The following NUDT3 variants were observed in gnomAD, a reference collection of about 807,000 sequenced individuals.
NUDT3 encodes the protein nudix hydrolase 3, also known as diphosphoinositol polyphosphate phosphohydrolase 1.
NUDT3 carries 9 observed loss-of-function variants against 23.6 expected under a neutral mutation model. The observed-to-expected ratio is 0.38, with a 90% CI of 0.23 to 0.66. NUDT3 has a LOEUF of 0.66. Ranked by LOEUF, NUDT3 falls within the 30% of genes least tolerant of loss-of-function variation. NUDT3 has a pLI of 0.52. For synonymous variants in NUDT3, 86 were observed against 82.6 expected (o/e 1.04, Z -0.22); for missense variants, 172 against 218.5 (o/e 0.79, Z 1.34).
intron 3 of NUDT3, among the ~76,000 whole-genome samples, chr6:34,293,910 G>A (rs1763461033): frequency 6.6e-6 from 1 of 152,084 alleles, no homozygotes; most frequent in African/African-American, 2.4e-5. Flanking sequence ...ACCCCAGCAA[G>A]GCAAACAAGC....
At chr6:34,306,568 C>A (rs1449163766) in intron 2 of NUDT3, among the ~76,000 whole-genome samples, 3 of 152,234 alleles carry the variant, frequency 2.0e-5, no homozygotes, top group Non-Finnish European at 4.4e-5. Context: ...GCAAACACAA[C>A]TGTTTTGGAA....
intron 2 of NUDT3, among the ~76,000 whole-genome samples, chr6:34,314,390 TAA>T (rs5875502): frequency 1.0e-3 from 126 of 123,902 alleles, no homozygotes; most frequent in Admixed American, 1.7e-3. Context: ...CTGTCTCTAC[TAA>T]AAAAAAAAAA....
chr6:34,356,516 T>C (rs1764563708), intron 1 of NUDT3, among the ~76,000 whole-genome samples: 1 of 151,980 alleles, frequency 6.6e-6, no homozygotes, highest in Admixed American at 6.6e-5. Flanking sequence ...GATTCAGGAG[T>C]TAACTTGAAA....
intron 1 of NUDT3, among the ~76,000 whole-genome samples, chr6:34,346,321 CTTG>C (rs570190618): frequency 3.9e-5 from 6 of 152,190 alleles, no homozygotes; most frequent in Admixed American, 1.3e-4. Context: ...CCTCCAGTGA[CTTG>C]TTGTATAAAT....
rs745667796 is a variant in NUDT3, at chr6:34,288,901, T to C, written c.371A>G (p.Asp124Gly). ...GRKREWFKIEDAIKVLQYHKP... is the reference protein window; with the variant it reads ...GRKREWFKIEGAIKVLQYHKP... ...GTGATACTGCAGCACTTTTATGGCGTCTTCTATTTTAAACCATTCCCTCTT... is the reference window on the plus strand; with the variant it reads ...GTGATACTGCAGCACTTTTATGGCGCCTTCTATTTTAAACCATTCCCTCTT... Residue 124 changes from aspartate (D) to glycine (G), a missense_variant, in exon 5 of 5, where the codon GAC becomes GGC. Coordinates refer to ENST00000607016, the MANE Select transcript of NUDT3 (RefSeq NM_006703.4). 6.2e-7 allele frequency: 1 copy of C among 1,613,122 alleles called. No homozygotes were observed.
At chr6:34,366,664 C>A (rs1048786417) in intron 1 of NUDT3, among the ~76,000 whole-genome samples, 28 of 151,526 alleles carry the variant, frequency 1.8e-4, no homozygotes, top group African/African-American at 6.8e-4. Flanking sequence ...CTAAAGCAAT[C>A]CTTGCCCTTC....
At chr6:34,304,119 G>C (rs1208256566) in intron 2 of NUDT3, among the ~76,000 whole-genome samples, 7 of 151,978 alleles carry the variant, frequency 4.6e-5, no homozygotes. Context: ...TGGGTGTCGT[G>C]GCGCATGCCT....
At chr6:34,348,543 C>A (rs1450339988) in intron 1 of NUDT3, among the ~76,000 whole-genome samples, 1 of 151,772 alleles carries the variant, frequency 6.6e-6, no homozygotes, top group Non-Finnish European at 1.5e-5. Flanking sequence ...TCTGGCAGGC[C>A]GAGGCGGGTG....
At chr6:34,304,172 G>A (rs1157899499) in intron 2 of NUDT3, among the ~76,000 whole-genome samples, 1 of 149,712 alleles carries the variant, frequency 6.7e-6, no homozygotes, top group African/African-American at 2.5e-5. Flanking sequence ...AGAACCACTT[G>A]AACCTGGGAT....
intron 1 of NUDT3, among the ~76,000 whole-genome samples, chr6:34,377,559 C>T (rs1764944873): frequency 1.3e-5 from 2 of 152,046 alleles, no homozygotes; most frequent in Non-Finnish European, 1.5e-5. Context: ...GAGGGCAGGG[C>T]ACAGTGGCTC....
At position 34,374,911 on chromosome 6, in the gene NUDT3, T is replaced by C. The variant is rs1013555578; in HGVS notation, c.99+17353A>G. Among the ~76,000 whole-genome samples the C allele has an allele frequency of 3.4e-4, 52 of 152,266 alleles. 2 individuals are homozygous for C. The highest frequency in any genetic ancestry group is 5.9e-5 in the Non-Finnish European group (4 of 68,044). On this transcript the variant is annotated intron_variant, in intron 1 of 4. Coordinates refer to ENST00000607016, the MANE Select transcript of NUDT3 (RefSeq NM_006703.4). ...TTCTGATTCTTCTGATCTTATAACATGCTCTTGAATCAGTCCCCAATCTTG... is the reference window on the plus strand; with the variant it reads ...TTCTGATTCTTCTGATCTTATAACACGCTCTTGAATCAGTCCCCAATCTTG...
At chr6:34,349,206 GATGGGACAGC>G (rs1216275602) in intron 1 of NUDT3, among the ~76,000 whole-genome samples, 1 of 152,172 alleles carries the variant, frequency 6.6e-6, no homozygotes, top group Non-Finnish European at 1.5e-5. Flanking sequence ...ATATGTTGGA[GATGGGACAGC>G]ATGCTAATGG....
intron 2 of NUDT3, among the ~76,000 whole-genome samples, chr6:34,330,991 A>G (rs1764118929): frequency 6.6e-6 from 1 of 152,088 alleles, no homozygotes; most frequent in Non-Finnish European, 1.5e-5. Flanking sequence ...AGTAGCTGGG[A>G]CTACAGGCAC....
At chr6:34,303,018 T>C (rs1464771908) in intron 2 of NUDT3, among the ~76,000 whole-genome samples, 1 of 152,116 alleles carries the variant, frequency 6.6e-6, no homozygotes, top group East Asian at 1.9e-4. Context: ...AACAAAAACT[T>C]CTAAGCCATT....
intron 1 of NUDT3, among the ~76,000 whole-genome samples, chr6:34,386,290 T>C (rs898966420): frequency 1.3e-5 from 2 of 152,226 alleles, no homozygotes; most frequent in East Asian, 3.8e-4. Context: ...CCAATAACAA[T>C]CAGTACAACT....
At chr6:34,326,607 T>C (rs1764034259) in intron 2 of NUDT3, among the ~76,000 whole-genome samples, 2 of 151,834 alleles carry the variant, frequency 1.3e-5, no homozygotes, top group Admixed American at 6.6e-5. Context: ...GCTTTTTTTT[T>C]TTCTTTTTTT....
intron 2 of NUDT3, among the ~76,000 whole-genome samples, chr6:34,321,847 G>T (rs1581864404): frequency 6.6e-6 from 1 of 152,158 alleles, no homozygotes; most frequent in East Asian, 1.9e-4. Context: ...GTTCAAAACG[G>T]TGAACATGAT....
rs1180049256 is a variant in NUDT3, at chr6:34,280,311, T to C, written c.*8442A>G. On this transcript the variant is annotated 3_prime_UTR_variant, in exon 5 of 5. Coordinates refer to ENST00000607016, the MANE Select transcript of NUDT3 (RefSeq NM_006703.4). ...CAAGAAGAAAAGCTTGAACTTTCCA[T>C]GCAGTACCAAGCAAGGCTATTTTGG... The C allele has an allele frequency of 6.6e-6, 1 of 152,262 alleles. No individual in the cohort carries two copies. The highest frequency in any genetic ancestry group is 2.4e-5 in the African/African-American group (1 of 41,434). The allele number at this position is 152,262 out of a possible 1,614,324, so 9.4% of individuals were successfully genotyped here. A position where few individuals can be genotyped will look rare whatever the true frequency, so the allele number is the denominator to read the frequency against.
rs545845721 is a variant in NUDT3 at position 34,360,879 on chromosome 6, C to A, written c.100-18907G>T. Among the ~76,000 whole-genome samples, 10 of 149,510 alleles carry A rather than the reference C, an allele frequency of 6.7e-5. No individual in the cohort carries two copies. The East Asian group carries it at 1.6e-3, about 23-fold the overall frequency. ...CATTTAAAATTCAACAATAAAAAAA[C>A]CCAATTAAAAAATGAGCAAAAGATG... On this transcript the variant is annotated intron_variant, in intron 1 of 4. Coordinates refer to ENST00000607016, the MANE Select transcript of NUDT3 (RefSeq NM_006703.4).
Sources: gnomAD v4.1 joint callset for allele counts (sites outside exome capture counted in the v4.1 genomes callset) on GRCh38, gnomAD v4.1.1 for gene constraint, MANE v1.5 for transcripts, NCBI Gene and HGNC (gene_info 2026-07-23, HGNC 2026-07-21) for gene names.